The following ARHGEF17 variants were observed in gnomAD, a reference collection of about 807,000 sequenced individuals.
ARHGEF17 encodes 164 kDa Rho-specific guanine-nucleotide exchange factor.
Under a neutral mutation model 174.0 loss-of-function variants are expected in ARHGEF17, and 80 were observed. That is an observed-to-expected ratio of 0.46 (90% CI 0.38 to 0.55). The LOEUF (loss-of-function observed/expected upper bound fraction) is 0.55, where lower values mean the gene tolerates loss of function less well. Ranked by LOEUF, ARHGEF17 falls within the 20% of genes least tolerant of loss-of-function variation. The pLI is 0.00. For missense variants in ARHGEF17, 2,886 were observed against 2,839.7 expected (o/e 1.02, Z -0.37); for synonymous variants, 1,311 against 1,189.1 (o/e 1.10, Z -2.11).
chr11:73,348,716 G>C (rs936944344), intron 2 of ARHGEF17, among the ~76,000 whole-genome samples: 6 of 152,182 alleles, frequency 3.9e-5, no homozygotes, highest in African/African-American at 1.4e-4. Flanking sequence ...CACACATTAT[G>C]AATGTATTTA....
intron 1 of ARHGEF17, among the ~76,000 whole-genome samples, chr11:73,336,931 G>A (rs532538243): frequency 2.0e-4 from 31 of 152,346 alleles, no homozygotes; most frequent in African/African-American, 7.2e-4. Context: ...TCCCCACAAC[G>A]TGGAGGCTGG....
intron 10 of ARHGEF17, 149 bp downstream of exon 10, chr11:73,360,101 G>A: frequency 1.1e-6 from 1 of 921,404 alleles, no homozygotes; most frequent in South Asian, 1.7e-5. Flanking sequence ...CTGCGTATGG[G>A]GGAAGTAACA....
intron 1 of ARHGEF17, 117 bp downstream of exon 1, chr11:73,311,947 T>C (rs1864846026): frequency 1.6e-6 from 2 of 1,215,556 alleles, no homozygotes; most frequent in Non-Finnish European, 2.3e-6. Flanking sequence ...CAAGGGTGCT[T>C]TTCTGGTCCT....
At chr11:73,318,762 A>T (rs988924476) in intron 1 of ARHGEF17, among the ~76,000 whole-genome samples, 1 of 152,348 alleles carries the variant, frequency 6.6e-6, no homozygotes, top group South Asian at 2.1e-4. Context: ...ACCTGTGCTG[A>T]TTGCAGAGGT....
At chr11:73,313,632 G>T (rs1034580588) in intron 1 of ARHGEF17, among the ~76,000 whole-genome samples, 1 of 152,188 alleles carries the variant, frequency 6.6e-6, no homozygotes, top group Non-Finnish European at 1.5e-5. Flanking sequence ...ACGAACAGAG[G>T]CCTTCTCTGA....
Position 73,357,150 on chromosome 11 carries a change from G to A in ARHGEF17, c.4001+16G>A, listed in dbSNP as rs1234926476. The A allele has an allele frequency of 1.2e-5, 20 of 1,613,418 alleles. No individual in the cohort carries two copies. The highest frequency in any genetic ancestry group is 8.9e-5 in the East Asian group (4 of 44,866). ...CCATGAGCCTGTGAGTGGCTGGGCC[G>A]GGGTTTGGGTGGTGCCAACAGGGGG... On this transcript the variant is annotated intron_variant, in intron 8 of 20. Coordinates refer to ENST00000263674, the MANE Select transcript of ARHGEF17 (RefSeq NM_014786.4).
At chr11:73,332,093 G>A (rs950159047) in intron 1 of ARHGEF17, among the ~76,000 whole-genome samples, 6 of 152,340 alleles carry the variant, frequency 3.9e-5, no homozygotes, top group Middle Eastern at 6.8e-3. Flanking sequence ...CCCCTGAGGG[G>A]ACCTGCCCTC....
chr11:73,355,111 G>T (rs550571025), intron 3 of ARHGEF17, among the ~76,000 whole-genome samples: 18 of 152,384 alleles, frequency 1.2e-4, no homozygotes, highest in African/African-American at 3.8e-4. Flanking sequence ...GGCATTCCTG[G>T]TGGGGGGATC....
At chr11:73,356,042 G>C in intron 5 of ARHGEF17, 89 bp downstream of exon 5, 3 of 1,583,422 alleles carry the variant, frequency 1.9e-6, no homozygotes, top group Non-Finnish European at 2.6e-6. Flanking sequence ...CGTTGAGCCT[G>C]ACATCAGGGT....
chr11:73,362,429 G>T lies in ARHGEF17; in HGVS notation c.4695-4G>T, dbSNP rs993526059. 11 of 1,545,810 alleles carry T rather than the reference G, an allele frequency of 7.1e-6. No homozygotes were observed. Among genetic ancestry groups the T allele is most frequent in the African/African-American group, 1.4e-5 (1 of 73,648 alleles). On this transcript the variant is annotated splice_region_variant and splice_polypyrimidine_tract_variant and intron_variant, in intron 13 of 20. Coordinates refer to ENST00000263674, the MANE Select transcript of ARHGEF17 (RefSeq NM_014786.4). ...GCTGTCATCCTCACTCCGTCTTCTC[G>T]CAGGGAGCCTCCTCCGTCGCTGAGG...
intron 1 of ARHGEF17, among the ~76,000 whole-genome samples, chr11:73,340,257 T>C (rs915627750): frequency 6.6e-6 from 1 of 152,142 alleles, no homozygotes; most frequent in Non-Finnish European, 1.5e-5. Flanking sequence ...TGGATCTAAT[T>C]AGTCATCCTT....
chr11:73,314,767 C>A (rs1021383146), intron 1 of ARHGEF17, among the ~76,000 whole-genome samples: 11 of 152,236 alleles, frequency 7.2e-5, no homozygotes, highest in Admixed American at 7.2e-4. Flanking sequence ...TTGTTACCTC[C>A]ACTGAGGCCC....
At chr11:73,328,173 G>C (rs1865134675) in intron 1 of ARHGEF17, among the ~76,000 whole-genome samples, 1 of 152,172 alleles carries the variant, frequency 6.6e-6, no homozygotes, top group Admixed American at 6.5e-5. Flanking sequence ...GGGTCACTGA[G>C]AGTAGCCCAG....
In ARHGEF17 at chr11:73,311,795, A is replaced by G. The variant is rs752816033; in HGVS notation, c.3157A>G (p.Thr1053Ala). The change falls in exon 1 of 21, where the codon ACC becomes GCC. Residue 1053 changes from threonine (T) to alanine (A), a missense_variant. Thr to Ala is a moderately conservative substitution (Grantham distance 58, BLOSUM62 0). Transcript: ENST00000263674. Reference sequence around the variant, plus strand: ...GGCAGCTCGGCCTGCAGATGAGCCTACCCCTGCCAGCAAGTGCTGCAGCAA... The same window carrying G: ...GGCAGCTCGGCCTGCAGATGAGCCTGCCCCTGCCAGCAAGTGCTGCAGCAA... ...PEAARPADEP[T>A]PASKCCSKPQ... 10 of 1,607,174 alleles carry G rather than the reference A, an allele frequency of 6.2e-6. No homozygotes were observed. In the African/African-American group the frequency reaches 1.3e-4, roughly 21 times the overall value.
At position 73,355,578 on chromosome 11, in the gene ARHGEF17, A is replaced by G; in HGVS notation, c.3499A>G (p.Asn1167Asp). The G allele has an allele frequency of 1.2e-6, 2 of 1,614,188 alleles. No individual in the cohort carries two copies. Among genetic ancestry groups the G allele is most frequent in the Non-Finnish European group, 1.7e-6 (2 of 1,180,004 alleles). ...AAACATCTATTCTGCCTATATCGAT[A>G]ACTTCCTCAATGCAAAGGATGCTGT... ...LVNIYSAYID[N>D]FLNAKDAVRV... Residue 1167 changes from asparagine to aspartate, a missense_variant, in exon 4 of 21, where the codon AAC becomes GAC. By Grantham distance (23) the Asn-to-Asp change is conservative (BLOSUM62 1). Coordinates refer to ENST00000263674, the MANE Select transcript of ARHGEF17 (RefSeq NM_014786.4).
At chr11:73,364,041 C>A in intron 16 of ARHGEF17, 131 bp from the exon 17 acceptor site, 1 of 1,108,142 alleles carries the variant, frequency 9.0e-7, no homozygotes, top group Non-Finnish European at 1.3e-6. Flanking sequence ...GCAACCCCCA[C>A]CTGGAGAACA....
At position 73,357,248 on chromosome 11, in the gene ARHGEF17, G is replaced by A. The variant is rs138248532; in HGVS notation, c.4008G>A (p.Thr1336=). The change falls in exon 9 of 21, where the codon ACG becomes ACA. Residue 1336 remains threonine, a synonymous_variant. Transcript: ENST00000263674. The part of the protein sequence containing the change: ...SLRRSSMSLY[T]AASVIDTASK... ...CCCCATTGGCTCCCCACAGGTACACGGCAGCCAGTGTCATTGACACAGCCA... is the reference window on the plus strand; with the variant it reads ...CCCCATTGGCTCCCCACAGGTACACAGCAGCCAGTGTCATTGACACAGCCA... The A allele has an allele frequency of 8.1e-6, 13 of 1,613,744 alleles. No homozygotes were observed. The highest frequency in any genetic ancestry group is 6.7e-5 in the Admixed American group (4 of 59,994).
rs781760252 is a variant in ARHGEF17, at chr11:73,310,263, G to A, written c.1625G>A (p.Arg542Gln). 1.9e-6 allele frequency: 3 copies of A among 1,613,902 alleles called. No individual in the cohort carries two copies. The highest frequency in any genetic ancestry group is 1.7e-5 in the Admixed American group (1 of 60,008). ...PTLKDLTATL[R>Q]RAKSFTCSEK... Reference sequence around the variant, plus strand: ...CTCAAGGACTTGACAGCCACTCTGCGGAGAGCAAAGTCATTCACCTGCTCT... The same window carrying A: ...CTCAAGGACTTGACAGCCACTCTGCAGAGAGCAAAGTCATTCACCTGCTCT... The change falls in exon 1 of 21, where the codon CGG (arginine) becomes CAG (glutamine). Residue 542 changes from arginine (R) to glutamine (Q), a missense_variant. Coordinates refer to ENST00000263674, the MANE Select transcript of ARHGEF17 (RefSeq NM_014786.4).
chr11:73,329,350 TA>T lies in ARHGEF17; in HGVS notation c.3192+17521del, dbSNP rs1565193605. Among the ~76,000 whole-genome samples the T allele has an allele frequency of 7.8e-4, 33 of 42,332 alleles. 4 individuals carry two copies. The highest frequency in any genetic ancestry group is 3.8e-3 in the South Asian group (5 of 1,324). 27.8% of individuals were successfully genotyped at this position (42,332 alleles called of 152,430 possible). ...ATATATATATATATATATATATATA[TA>T]TATATATATATATATATATATATTT... On this transcript the variant is annotated intron_variant, in intron 1 of 20. Transcript: ENST00000263674.
Sources: gnomAD v4.1 joint callset for allele counts (sites outside exome capture counted in the v4.1 genomes callset) on GRCh38, gnomAD v4.1.1 for gene constraint, MANE v1.5 for transcripts, NCBI Gene and HGNC (gene_info 2026-07-23, HGNC 2026-07-21) for gene names.